The following TENM3 variants were observed in gnomAD, a reference collection of about 807,000 sequenced individuals.
TENM3 encodes teneurin transmembrane protein 3, also known as teneurin-3.
Under a neutral mutation model 255.1 loss-of-function variants are expected in TENM3, and 63 were observed. The observed-to-expected ratio is 0.25, with a 90% CI of 0.20 to 0.30. The LOEUF (loss-of-function observed/expected upper bound fraction) is 0.30. TENM3 is among the 10% of genes least tolerant of loss of function. The pLI, the probability that TENM3 is intolerant of heterozygous loss-of-function variation, is 1.00. For missense variants in TENM3, 2,929 were observed against 3,461.1 expected (o/e 0.85, Z 3.86); for synonymous variants, 1,306 against 1,322.3 (o/e 0.99, Z 0.27).
the TENM3 span, among the ~76,000 whole-genome samples, chr4:182,027,710 A>T: frequency 1.3e-5 from 2 of 152,112 alleles, no homozygotes; most frequent in African/African-American, 2.4e-5. Context: ...CTTTTTAAGC[A>T]TCGGTTGAAA....
intron 3 of TENM3, among the ~76,000 whole-genome samples, chr4:182,496,244 T>C (rs781725006): frequency 3.3e-5 from 5 of 152,178 alleles, no homozygotes; most frequent in Non-Finnish European, 5.9e-5. Flanking sequence ...ACCATTAAAG[T>C]AGTGAATTCA....
At chr4:181,488,004 A>C in the TENM3 span, among the ~76,000 whole-genome samples, 1 of 152,200 alleles carries the variant, frequency 6.6e-6, no homozygotes, top group Non-Finnish European at 1.5e-5. Flanking sequence ...ATGAGACCTG[A>C]ATTGCATATT....
the TENM3 span, among the ~76,000 whole-genome samples, chr4:181,606,610 C>T: frequency 6.6e-6 from 1 of 152,102 alleles, no homozygotes; most frequent in African/African-American, 2.4e-5. Flanking sequence ...GCCTCACATG[C>T]AGGTACTAGA....
In TENM3 at chr4:182,164,209, C is replaced by CA. The variant is rs577730281; in HGVS notation, c.-76+19459dup. Among the ~76,000 whole-genome samples the CA allele has an allele frequency of 6.6e-5, 10 of 152,256 alleles. No homozygotes were observed. In the South Asian group the frequency reaches 2.1e-3, roughly 32 times the overall value. ...TATGCTCTTGCATGTCTCAGGCTCC[C>CA]AAAACTAACATGGATCTGAATCCAT... On this transcript the variant is annotated intron_variant, in intron 1 of 2. Transcript: ENST00000512480.
chr4:182,185,076 T>C (rs1753066943), intron 1 of TENM3, among the ~76,000 whole-genome samples: 1 of 108,104 alleles, frequency 9.3e-6, no homozygotes, highest in Admixed American at 9.7e-5. Flanking sequence ...AGAGCAAAAC[T>C]CTGTCAAAAA....
intron 3 of TENM3, among the ~76,000 whole-genome samples, chr4:182,508,302 C>T (rs1737043592): frequency 6.6e-6 from 1 of 152,030 alleles, no homozygotes; most frequent in South Asian, 2.1e-4. Flanking sequence ...GGTCTGTGAA[C>T]CTTGGTTTCA....
intron 1 of TENM3, among the ~76,000 whole-genome samples, chr4:182,182,433 T>C (rs1353096093): frequency 6.6e-6 from 1 of 152,170 alleles, no homozygotes; most frequent in Non-Finnish European, 1.5e-5. Flanking sequence ...CAAGGATTTC[T>C]TGGTATCAGC....
the TENM3 span, among the ~76,000 whole-genome samples, chr4:181,675,839 A>G: frequency 6.6e-6 from 1 of 152,074 alleles, no homozygotes; most frequent in Non-Finnish European, 1.5e-5. Flanking sequence ...CAATTAGTTT[A>G]GATTCCATAT....
At chr4:181,888,071 C>A in the TENM3 span, among the ~76,000 whole-genome samples, 1 of 151,906 alleles carries the variant, frequency 6.6e-6, no homozygotes, top group East Asian at 1.9e-4. Flanking sequence ...GCTCTGCTGC[C>A]CAGGCTGGAG....
chr4:182,660,257 T>G (rs1427232876), intron 6 of TENM3, among the ~76,000 whole-genome samples: 2 of 152,218 alleles, frequency 1.3e-5, no homozygotes, highest in African/African-American at 4.8e-5. Flanking sequence ...GCTCACAAAG[T>G]ATCAGTTGAA....
chr4:181,644,414 A>C, the TENM3 span, among the ~76,000 whole-genome samples: 1 of 150,376 alleles, frequency 6.6e-6, no homozygotes, highest in African/African-American at 2.4e-5. Context: ...GCCTGCAAAA[A>C]GGTGGAATCT....
chr4:182,448,950 C>T (rs749963316), intron 3 of TENM3: 46 of 391,744 alleles, frequency 1.2e-4, no homozygotes, highest in Non-Finnish European at 2.3e-4. Flanking sequence ...GGAGCCTCAG[C>T]CTATCATGTC....
At chr4:182,099,693 G>A in the TENM3 span, among the ~76,000 whole-genome samples, 3 of 152,044 alleles carry the variant, frequency 2.0e-5, no homozygotes, top group Non-Finnish European at 4.4e-5. Context: ...GAGATCACAG[G>A]GCCTGCGAAG....
At chr4:181,864,797 T>G in the TENM3 span, among the ~76,000 whole-genome samples, 602 of 152,288 alleles carry the variant, frequency 4.0e-3, 5 homozygotes, top group African/African-American at 0.014. Context: ...CTTTGTGTGT[T>G]ACATTGTTCT....
chr4:182,417,161 A>G (rs1319616315), intron 3 of TENM3, among the ~76,000 whole-genome samples: 1 of 151,852 alleles, frequency 6.6e-6, no homozygotes, highest in African/African-American at 2.4e-5. Flanking sequence ...TATTTTTAGT[A>G]GAGATGGGGT....
the TENM3 span, among the ~76,000 whole-genome samples, chr4:181,880,999 T>A: frequency 6.6e-6 from 1 of 152,156 alleles, no homozygotes; most frequent in Non-Finnish European, 1.5e-5. Context: ...CCAAGCTCAT[T>A]TGAGTATGTA....
the TENM3 span, among the ~76,000 whole-genome samples, chr4:181,598,483 G>A: frequency 5.3e-5 from 8 of 151,966 alleles, no homozygotes; most frequent in African/African-American, 1.9e-4. Flanking sequence ...AAATGTTAAT[G>A]TTACTCCTCT....
chr4:182,336,579 C>T (rs1764154706), intron 2 of TENM3, among the ~76,000 whole-genome samples: 1 of 152,170 alleles, frequency 6.6e-6, no homozygotes, highest in South Asian at 2.1e-4. Context: ...GTTGGTTCTA[C>T]CCTTTGGGGG....
chr4:181,997,375 C>A, the TENM3 span, among the ~76,000 whole-genome samples: 1 of 151,994 alleles, frequency 6.6e-6, no homozygotes, highest in Non-Finnish European at 1.5e-5. Flanking sequence ...ATGAGGTGGG[C>A]GAGTATGTAC....
Sources: allele counts gnomAD v4.1 joint callset (sites outside exome capture counted in the v4.1 genomes callset), GRCh38; gene constraint gnomAD v4.1.1; transcripts MANE v1.5; gene names NCBI Gene and HGNC (gene_info 2026-07-23, HGNC 2026-07-21).